Variants in AGBL1 observed in about 807,000 individuals in gnomAD.
AGBL1 encodes the protein cytosolic carboxypeptidase 4.
In AGBL1, 130 loss-of-function variants were observed where a neutral mutation model predicts 118.9. That is an observed-to-expected ratio of 1.09 (90% CI 0.95 to 1.26). The LOEUF is 1.26. AGBL1 is among the 50% of genes most tolerant of loss of function. The pLI is 0.00. For synonymous variants in AGBL1, 555 were observed against 478.9 expected (o/e 1.16, Z -2.08); for missense variants, 1,584 against 1,298.1 (o/e 1.22, Z -3.38).
intron 22 of AGBL1, among the ~76,000 whole-genome samples, chr15:86,869,589 G>A (rs902362580): frequency 6.6e-6 from 1 of 151,970 alleles, no homozygotes; most frequent in Non-Finnish European, 1.5e-5. Context: ...CTGTAGATCC[G>A]ATATGTGGAT....
chr15:86,519,125 A>G (rs772008349), intron 18 of AGBL1, among the ~76,000 whole-genome samples: 173 of 152,176 alleles, frequency 1.1e-3, no homozygotes, highest in Middle Eastern at 3.4e-3. Context: ...TGGTTCCAGG[A>G]CACCTTCCCC....
intron 21 of AGBL1, among the ~76,000 whole-genome samples, chr15:86,572,160 A>G (rs115103899): frequency 0.026 from 3,931 of 152,254 alleles, 173 homozygotes; most frequent in African/African-American, 0.088. Context: ...AGGCAGTGGG[A>G]GCAGGCACTT....
At chr15:86,805,335 T>C (rs1476873163) in intron 22 of AGBL1, among the ~76,000 whole-genome samples, 1 of 152,130 alleles carries the variant, frequency 6.6e-6, no homozygotes, top group Non-Finnish European at 1.5e-5. Context: ...CTCTGTGAAT[T>C]GTTCCAGCAC....
At chr15:86,697,726 G>A (rs1041883654) in intron 22 of AGBL1, among the ~76,000 whole-genome samples, 1 of 151,874 alleles carries the variant, frequency 6.6e-6, no homozygotes, top group South Asian at 2.1e-4. Context: ...TATGTCGGAG[G>A]GAAGATCTGG....
rs80074189 is a variant in AGBL1 at position 86,214,366 on chromosome 15, T to C, written c.489-10548T>C. Among the ~76,000 whole-genome samples, 1,325 of 152,336 alleles carry C rather than the reference T, an allele frequency of 8.7e-3. 16 individuals are homozygous for C. The highest frequency in any genetic ancestry group is 0.031 in the African/African-American group (1,277 of 41,568). On this transcript the variant is annotated intron_variant, in intron 5 of 22. Transcript: ENST00000614907. ...GTGTGGTATAGTGAATATTCTATTGTAGTCAAATAGCAAACATTCTGTAGA... is the reference window on the plus strand; with the variant it reads ...GTGTGGTATAGTGAATATTCTATTGCAGTCAAATAGCAAACATTCTGTAGA...
intron 22 of AGBL1, among the ~76,000 whole-genome samples, chr15:86,722,041 T>A (rs1410986323): frequency 6.6e-6 from 1 of 152,092 alleles, no homozygotes; most frequent in Non-Finnish European, 1.5e-5. Context: ...TCCATGCTCA[T>A]GGGTAGGAAG....
chr15:86,836,924 C>A (rs2079178088), intron 22 of AGBL1, among the ~76,000 whole-genome samples: 1 of 152,136 alleles, frequency 6.6e-6, no homozygotes, highest in South Asian at 2.1e-4. Flanking sequence ...CTGAAACTAT[C>A]TTGCTTATAT....
At chr15:86,103,223 G>A (rs1896837160) in intron 1 of AGBL1, among the ~76,000 whole-genome samples, 1 of 151,920 alleles carries the variant, frequency 6.6e-6, no homozygotes, top group South Asian at 2.1e-4. Context: ...TATTTGTATT[G>A]TTCATCTGTG....
rs570102810 is a variant in AGBL1, at chr15:86,276,726, A to G, written c.2076-2913A>G. On this transcript the variant is annotated intron_variant, in intron 15 of 22. Coordinates refer to ENST00000614907, the MANE Select transcript of AGBL1 (RefSeq NM_001386094.1). ...ACTTAGCTAAATAAGGAAGATGGAA[A>G]GGGCTTTCCATACAAAGCAAGAACA... 5.9e-5 allele frequency among the ~76,000 whole-genome samples: 9 copies of G among 152,030 alleles called. 1 individual carries two copies. In the Middle Eastern group the frequency reaches 0.027, roughly 460 times the overall value.
At chr15:86,345,899 C>T in intron 17 of AGBL1, among the ~76,000 whole-genome samples, 1 of 152,090 alleles carries the variant, frequency 6.6e-6, no homozygotes, top group East Asian at 1.9e-4. Context: ...CATCCTTACT[C>T]CTTGGCCTTC....
rs181991911 is a variant in AGBL1 at position 86,276,728 on chromosome 15, G to T, written c.2076-2911G>T. Among the ~76,000 whole-genome samples the T allele has an allele frequency of 1.0e-3, 156 of 152,240 alleles. 1 individual carries two copies. Among genetic ancestry groups the T allele is most frequent in the East Asian group, 5.6e-3 (29 of 5,180 alleles). ...TTAGCTAAATAAGGAAGATGGAAAG[G>T]GCTTTCCATACAAAGCAAGAACATG... On this transcript the variant is annotated intron_variant, in intron 15 of 22. Coordinates refer to ENST00000614907, the MANE Select transcript of AGBL1 (RefSeq NM_001386094.1).
intron 22 of AGBL1, among the ~76,000 whole-genome samples, chr15:86,865,087 C>T (rs912897967): frequency 6.6e-6 from 1 of 152,132 alleles, no homozygotes; most frequent in African/African-American, 2.4e-5. Flanking sequence ...GAGTGCTGAT[C>T]CATCGTGGGA....
chr15:86,534,623 G>A (rs2083398773), intron 19 of AGBL1, among the ~76,000 whole-genome samples: 1 of 152,160 alleles, frequency 6.6e-6, no homozygotes, highest in South Asian at 2.1e-4. Context: ...GAGTCCAGAT[G>A]TTAGATACAG....
At chr15:86,289,991 T>G (rs1301521022) in intron 16 of AGBL1, among the ~76,000 whole-genome samples, 2 of 152,120 alleles carry the variant, frequency 1.3e-5, no homozygotes, top group African/African-American at 2.4e-5. Context: ...TTCTAGAGAG[T>G]TTGCATTTAT....
chr15:86,257,826 G>T, intron 8 of AGBL1, 138 bp from the exon 9 acceptor site: 1 of 749,318 alleles, frequency 1.3e-6, no homozygotes, highest in Non-Finnish European at 2.2e-6. Flanking sequence ...TTTGTGTGTG[G>T]TGGGATATTG....
chr15:86,916,868 C>A (rs1426964170), downstream of AGBL1, among the ~76,000 whole-genome samples: 1 of 152,184 alleles, frequency 6.6e-6, no homozygotes, highest in African/African-American at 2.4e-5. Context: ...GAGGCCAGGC[C>A]TGCACAATGA....
rs1555456688 is a variant in AGBL1 at position 86,849,513 on chromosome 15, C to CTTTCTT, written c.3159-57570_3159-57565dup. ...AATAAGGTGATGGCTTTCTTTCTTTCTTTCTTTTTTTTTTTTTTTGGCTGA... is the reference window on the plus strand; with the variant it reads ...AATAAGGTGATGGCTTTCTTTCTTTCTTTCTTTTTCTTTTTTTTTTTTTTTGGCTGA... On this transcript the variant is annotated intron_variant, in intron 22 of 22. Coordinates refer to ENST00000614907, the MANE Select transcript of AGBL1 (RefSeq NM_001386094.1). 4.0e-4 allele frequency among the ~76,000 whole-genome samples: 35 copies of CTTTCTT among 87,746 alleles called. No individual in the cohort carries two copies. The East Asian group carries it at 0.011, about 29-fold the overall frequency. 57.6% of individuals were successfully genotyped at this position (87,746 alleles called of 152,430 possible).
At chr15:86,738,919 G>A (rs1025038526) in intron 22 of AGBL1, among the ~76,000 whole-genome samples, 3 of 151,906 alleles carry the variant, frequency 2.0e-5, no homozygotes, top group East Asian at 3.9e-4. Context: ...CAGGAGGATC[G>A]TTGAGCCCAG....
chr15:86,674,166 CT>C (rs2085794522), intron 21 of AGBL1, 106 bp from the exon 22 acceptor site: 3 of 1,042,276 alleles, frequency 2.9e-6, no homozygotes, highest in Admixed American at 4.6e-5. Context: ...TTAATTCTCA[CT>C]GTCTGAAAAA....
Sources: gnomAD v4.1 joint callset for allele counts (sites outside exome capture counted in the v4.1 genomes callset) on GRCh38, gnomAD v4.1.1 for gene constraint, MANE v1.5 for transcripts, NCBI Gene and HGNC (gene_info 2026-07-23, HGNC 2026-07-21) for gene names.